Variants in TSPAN5 observed in about 807,000 individuals in gnomAD.
TSPAN5 encodes tetraspanin 5, also known as tetraspanin-5.
Under a neutral mutation model 37.1 loss-of-function variants are expected in TSPAN5, and 10 were observed. The observed-to-expected ratio is 0.27, with a 90% confidence interval of 0.17 to 0.46. TSPAN5 has a LOEUF of 0.46. Among genes scored for constraint, TSPAN5 ranks in the 20% least tolerant of loss-of-function variants. The pLI, the probability that TSPAN5 is intolerant of heterozygous loss-of-function variation, is 1.00. For synonymous variants in TSPAN5, 110 were observed against 118.9 expected, an observed-to-expected ratio of 0.93 and a Z score of 0.48; for missense variants, 195 against 326.6, an observed-to-expected ratio of 0.60 and a Z score of 3.11.
chr4:98,564,035 C>T (rs142498151), intron 1 of TSPAN5, among the ~76,000 whole-genome samples: 2 of 152,308 alleles, frequency 1.3e-5, no homozygotes, highest in East Asian at 1.9e-4. Context: ...TGGCAAAAAG[C>T]AGACACACAC....
At chr4:98,500,577 C>G (rs1359749176) in intron 2 of TSPAN5, among the ~76,000 whole-genome samples, 1 of 152,198 alleles carries the variant, frequency 6.6e-6, no homozygotes, top group Non-Finnish European at 1.5e-5. Context: ...TCCAGTTTGA[C>G]ATCTCTGTGC....
intron 1 of TSPAN5, chr4:98,509,876 C>G (rs1443647582): frequency 1.3e-5 from 2 of 152,198 alleles, no homozygotes; most frequent in Admixed American, 6.5e-5. Flanking sequence ...CACAGAAGCA[C>G]AGAGTTAAGG....
At chr4:98,625,261 C>T (rs1382340560) in intron 1 of TSPAN5, among the ~76,000 whole-genome samples, 4 of 152,146 alleles carry the variant, frequency 2.6e-5, no homozygotes, top group African/African-American at 9.7e-5. Flanking sequence ...ATTGCAACCT[C>T]AGACATAAAT....
chr4:98,579,882 TCA>T (rs1755330963), intron 1 of TSPAN5, among the ~76,000 whole-genome samples: 1 of 152,336 alleles, frequency 6.6e-6, no homozygotes, highest in Non-Finnish European at 1.5e-5. Context: ...GTGAAATTTT[TCA>T]CACATTCATA....
chr4:98,634,730 T>C (rs891257637), intron 1 of TSPAN5, among the ~76,000 whole-genome samples: 5 of 152,162 alleles, frequency 3.3e-5, no homozygotes, highest in East Asian at 1.9e-4. Context: ...TGAGAAACGA[T>C]AGCATCCTGA....
intron 1 of TSPAN5, among the ~76,000 whole-genome samples, chr4:98,515,278 C>A (rs1164740052): frequency 6.6e-6 from 1 of 152,090 alleles, no homozygotes; most frequent in Non-Finnish European, 1.5e-5. Flanking sequence ...CTGTCACATG[C>A]AGATAAGAAG....
At chr4:98,482,935 G>A (rs1752879800) in intron 3 of TSPAN5, 1 of 152,088 alleles carries the variant, frequency 6.6e-6, no homozygotes. Context: ...GGTTTTAAAA[G>A]AGGGGCTCAA....
intron 1 of TSPAN5, among the ~76,000 whole-genome samples, chr4:98,599,126 A>C (rs1319500738): frequency 6.6e-6 from 1 of 152,156 alleles, no homozygotes; most frequent in Non-Finnish European, 1.5e-5. Context: ...TAATCTAAAA[A>C]GCCATTTTAA....
intron 1 of TSPAN5, among the ~76,000 whole-genome samples, chr4:98,532,348 T>G (rs1754113820): frequency 6.6e-6 from 1 of 152,250 alleles, no homozygotes; most frequent in African/African-American, 2.4e-5. Context: ...CATTTGTTTG[T>G]GTCCTCTCTT....
At chr4:98,594,252 G>T (rs1358297503) in intron 1 of TSPAN5, among the ~76,000 whole-genome samples, 4 of 129,990 alleles carry the variant, frequency 3.1e-5, no homozygotes, top group Non-Finnish European at 3.1e-5. Context: ...TCTGTTGTTG[G>T]TGTATAAGAA....
intron 1 of TSPAN5, among the ~76,000 whole-genome samples, chr4:98,528,835 C>T (rs1328835919): frequency 6.6e-6 from 1 of 152,180 alleles, no homozygotes; most frequent in Non-Finnish European, 1.5e-5. Context: ...GACCTGCCCA[C>T]CACTCTGCTG....
chr4:98,556,420 C>A (rs940456331), intron 1 of TSPAN5, among the ~76,000 whole-genome samples: 1 of 152,038 alleles, frequency 6.6e-6, no homozygotes, highest in Non-Finnish European at 1.5e-5. Context: ...TTTTTATGAA[C>A]GAGGAATAAT....
intron 1 of TSPAN5, among the ~76,000 whole-genome samples, chr4:98,583,859 G>A (rs2110198542): frequency 6.6e-6 from 1 of 152,258 alleles, no homozygotes; most frequent in East Asian, 1.9e-4. Flanking sequence ...ATTATTCATT[G>A]CTTCCCCACT....
intron 2 of TSPAN5, among the ~76,000 whole-genome samples, chr4:98,490,635 T>C (rs1753064760): frequency 6.6e-6 from 1 of 152,226 alleles, no homozygotes; most frequent in Non-Finnish European, 1.5e-5. Context: ...TTTTAATGGA[T>C]TCAGAATATA....
intron 1 of TSPAN5, among the ~76,000 whole-genome samples, chr4:98,533,541 A>ATTTTTTTTTTTTTTTTTTTTTTT (rs1754149539): frequency 3.0e-5 from 1 of 33,416 alleles, no homozygotes; most frequent in African/African-American, 2.4e-4. Context: ...TATCCCCTAT[A>ATTTTTTTTTTTTTTTTTTTTTTT]TCTTTTTTTT....
At chr4:98,514,241 T>C (rs1429896669) in intron 1 of TSPAN5, among the ~76,000 whole-genome samples, 2 of 152,182 alleles carry the variant, frequency 1.3e-5, no homozygotes, top group Admixed American at 6.5e-5. Flanking sequence ...AGAAGTGCCA[T>C]TAGGAAAGTT....
chr4:98,627,010 AG>A (rs1756618963), intron 1 of TSPAN5, among the ~76,000 whole-genome samples: 1 of 151,976 alleles, frequency 6.6e-6, no homozygotes, highest in African/African-American at 2.4e-5. Flanking sequence ...GCTCCAAAAA[AG>A]GGTACTTGAT....
intron 1 of TSPAN5, 42 bp downstream of exon 1, chr4:98,658,104 A>G: frequency 6.5e-7 from 1 of 1,547,552 alleles, no homozygotes; most frequent in Admixed American, 1.7e-5. Context: ...TCGCGAATCG[A>G]TCGGCCACAA....
intron 1 of TSPAN5, among the ~76,000 whole-genome samples, chr4:98,554,516 T>C (rs1754694906): frequency 6.6e-6 from 1 of 152,234 alleles, no homozygotes; most frequent in South Asian, 2.1e-4. Flanking sequence ...ATAAATGCCA[T>C]TGTACACAAT....
Sources: allele counts gnomAD v4.1 joint callset (sites outside exome capture counted in the v4.1 genomes callset), GRCh38; gene constraint gnomAD v4.1.1; transcripts MANE v1.5; gene names NCBI Gene and HGNC (gene_info 2026-07-23, HGNC 2026-07-21).